Variants in PCDH9 observed in about 807,000 individuals in gnomAD.
PCDH9 encodes protocadherin 9.
Under a neutral mutation model 70.6 loss-of-function variants are expected in PCDH9, and 24 were observed. The ratio of observed to expected loss-of-function variants is 0.34; its 90% CI spans 0.25 to 0.48. The LOEUF is 0.48. Ranked by LOEUF, PCDH9 falls within the 20% of genes least tolerant of loss-of-function variation. PCDH9 has a pLI of 0.99. For missense variants in PCDH9, 1,281 were observed against 1,503.6 expected (o/e 0.85, Z 2.45); for synonymous variants, 562 against 558.5 (o/e 1.01, Z -0.09).
intron 3 of PCDH9, among the ~76,000 whole-genome samples, chr13:66,807,014 A>G (rs1044494045): frequency 2.6e-5 from 4 of 152,320 alleles, no homozygotes. Flanking sequence ...CTTTACTGCT[A>G]CTTTTTCCTA....
At chr13:67,210,245 C>T (rs930490168) in intron 2 of PCDH9, 22 of 152,066 alleles carry the variant, frequency 1.4e-4, no homozygotes, top group African/African-American at 5.1e-4. Context: ...TTTTGTAGTT[C>T]TGTTTTTTGA....
At chr13:66,596,406 C>G (rs73194759) in intron 4 of PCDH9, among the ~76,000 whole-genome samples, 24,554 of 151,488 alleles carry the variant, frequency 0.16, 2,165 homozygotes, top group Middle Eastern at 0.22. Context: ...TAAGATGATT[C>G]CATGTAAGCT....
chr13:66,522,117 G>A (rs1960022679), intron 4 of PCDH9, among the ~76,000 whole-genome samples: 1 of 148,532 alleles, frequency 6.7e-6, no homozygotes, highest in South Asian at 2.1e-4. Flanking sequence ...TCCTCCTTTG[G>A]CTATACTTTA....
intron 4 of PCDH9, among the ~76,000 whole-genome samples, chr13:66,471,049 T>G (rs1958609877): frequency 6.6e-6 from 1 of 151,838 alleles, no homozygotes; most frequent in Non-Finnish European, 1.5e-5. Context: ...GTACTTCTAC[T>G]GAGCACCTGG....
intron 4 of PCDH9, among the ~76,000 whole-genome samples, chr13:66,490,150 C>A (rs1369965856): frequency 6.6e-6 from 1 of 152,152 alleles, no homozygotes; most frequent in Non-Finnish European, 1.5e-5. Flanking sequence ...CTTGTATTCT[C>A]TTTTCTGACT....
At chr13:67,173,660 T>G (rs1024329308) in intron 2 of PCDH9, among the ~76,000 whole-genome samples, 3 of 152,128 alleles carry the variant, frequency 2.0e-5, no homozygotes, top group Admixed American at 2.0e-4. Flanking sequence ...TGAAAGAAAA[T>G]GACCCTGGAA....
chr13:66,945,263 T>A (rs1238885406), intron 2 of PCDH9, among the ~76,000 whole-genome samples: 1 of 152,032 alleles, frequency 6.6e-6, no homozygotes, highest in African/African-American at 2.4e-5. Context: ...TTTGTCTCCC[T>A]CACACTCCCC....
chr13:66,532,330 C>A (rs1242752081), intron 4 of PCDH9, among the ~76,000 whole-genome samples: 2 of 152,058 alleles, frequency 1.3e-5, no homozygotes, highest in Non-Finnish European at 1.5e-5. Context: ...TAAACCACAT[C>A]TTCATGCTTA....
intron 4 of PCDH9, among the ~76,000 whole-genome samples, chr13:66,450,541 G>T (rs959049962): frequency 6.6e-6 from 1 of 152,164 alleles, no homozygotes; most frequent in South Asian, 2.1e-4. Flanking sequence ...ACAGTGGAGA[G>T]CAGTGGGGAG....
intron 4 of PCDH9, among the ~76,000 whole-genome samples, chr13:66,570,291 G>A (rs778587615): frequency 6.6e-6 from 1 of 152,162 alleles, no homozygotes; most frequent in South Asian, 2.1e-4. Context: ...AAACAGGTAT[G>A]TGTGATTATG....
At chr13:66,401,812 T>C (rs949002479) in intron 4 of PCDH9, among the ~76,000 whole-genome samples, 1 of 152,212 alleles carries the variant, frequency 6.6e-6, no homozygotes, top group African/African-American at 2.4e-5. Context: ...TCTCCATTTT[T>C]GAGCCTCCTC....
chr13:66,599,297 G>T (rs2077137824), intron 4 of PCDH9, among the ~76,000 whole-genome samples: 1 of 151,436 alleles, frequency 6.6e-6, no homozygotes, highest in Admixed American at 6.6e-5. Flanking sequence ...ATATGTATTT[G>T]TTTTAATTGA....
At chr13:66,979,703 TC>T (rs1016454516) in intron 2 of PCDH9, among the ~76,000 whole-genome samples, 51 of 152,194 alleles carry the variant, frequency 3.4e-4, no homozygotes, top group Non-Finnish European at 6.6e-4. Context: ...TCTGATCATA[TC>T]CCCCCCTTAC....
Position 66,852,604 on chromosome 13 carries a change from C to T in PCDH9, c.3138+50900G>A, listed in dbSNP as rs2081331997. 2.0e-5 allele frequency among the ~76,000 whole-genome samples: 3 copies of T among 152,148 alleles called. No homozygotes were observed. In the South Asian group the frequency reaches 6.2e-4, roughly 32 times the overall value. On this transcript the variant is annotated intron_variant, in intron 3 of 4. Transcript: ENST00000377865. ...TTCCCCCAAAGTGACACCCTTCTTACCAACTTCATCTTCCTAATAAGGTGA... is the reference window on the plus strand; with the variant it reads ...TTCCCCCAAAGTGACACCCTTCTTATCAACTTCATCTTCCTAATAAGGTGA...
intron 4 of PCDH9, among the ~76,000 whole-genome samples, chr13:66,308,108 A>T (rs1256682092): frequency 6.6e-6 from 1 of 152,058 alleles, no homozygotes; most frequent in East Asian, 1.9e-4. Context: ...GGGAAGTAAA[A>T]GGTGTCATTA....
intron 4 of PCDH9, among the ~76,000 whole-genome samples, chr13:66,385,744 A>G (rs572222396): frequency 1.3e-5 from 2 of 152,232 alleles, no homozygotes; most frequent in Non-Finnish European, 2.9e-5. Context: ...AAGGCAATCA[A>G]CTGTCATTGT....
At chr13:67,006,959 T>A (rs931052365) in intron 2 of PCDH9, among the ~76,000 whole-genome samples, 2 of 152,202 alleles carry the variant, frequency 1.3e-5, no homozygotes, top group Non-Finnish European at 2.9e-5. Flanking sequence ...AGGAAAATAC[T>A]TTTTTAAAGA....
intron 4 of PCDH9, 104 bp downstream of exon 4, chr13:66,631,106 A>T (rs1037228323): frequency 1.9e-5 from 13 of 669,752 alleles, no homozygotes; most frequent in Non-Finnish European, 3.0e-5. Flanking sequence ...CAGCAAAAAA[A>T]TAACTAAATG....
intron 4 of PCDH9, among the ~76,000 whole-genome samples, chr13:66,354,380 G>T (rs566886040): frequency 6.6e-5 from 1 of 15,200 alleles, no homozygotes; most frequent in African/African-American, 9.3e-5. Flanking sequence ...TCAGATGAAG[G>T]TGATTTATTT....
Sources: gnomAD v4.1 joint callset for allele counts (sites outside exome capture counted in the v4.1 genomes callset) on GRCh38, gnomAD v4.1.1 for gene constraint, MANE v1.5 for transcripts, NCBI Gene and HGNC (gene_info 2026-07-23, HGNC 2026-07-21) for gene names.